NRG3: variants seen among roughly 807,000 people sequenced by gnomAD.
NRG3 encodes the protein pro-neuregulin-3, membrane-bound isoform.
NRG3 carries 31 observed loss-of-function variants against 66.9 expected under a neutral mutation model. The ratio of observed to expected loss-of-function variants is 0.46; its 90% CI spans 0.35 to 0.63. The LOEUF (loss-of-function observed/expected upper bound fraction) is 0.63. NRG3 is among the 20% of genes least tolerant of loss of function. NRG3 has a pLI of 0.00. For missense variants in NRG3, 910 were observed against 878.9 expected (o/e 1.04, Z -0.45); for synonymous variants, 393 against 359.4 (o/e 1.09, Z -1.06).
chr10:82,220,734 A>C (rs561502822), intron 1 of NRG3, among the ~76,000 whole-genome samples: 1 of 152,318 alleles, frequency 6.6e-6, no homozygotes, highest in African/African-American at 2.4e-5. Flanking sequence ...TTACAGTTAT[A>C]GCTGAGCATC....
At chr10:82,473,243 GTT>G (rs1169168594) in intron 2 of NRG3, among the ~76,000 whole-genome samples, 1 of 152,196 alleles carries the variant, frequency 6.6e-6, no homozygotes, top group East Asian at 1.9e-4. Context: ...TGAGCTGTGT[GTT>G]TTAGTGGGTG....
At chr10:82,166,945 T>G in intron 1 of NRG3, 1 of 464,462 alleles carries the variant, frequency 2.2e-6, no homozygotes, top group Non-Finnish European at 3.8e-6. Context: ...CTTGCTCGCA[T>G]TATTTTGATA....
intron 4 of NRG3, among the ~76,000 whole-genome samples, chr10:82,887,358 CAG>C (rs1414596908): frequency 1.3e-5 from 2 of 152,190 alleles, no homozygotes; most frequent in Non-Finnish European, 2.9e-5. Context: ...TATTGAAAAA[CAG>C]AATTATCTAA....
chr10:82,147,754 A>T (rs1441225495), intron 1 of NRG3, among the ~76,000 whole-genome samples: 4 of 152,202 alleles, frequency 2.6e-5, no homozygotes, highest in Non-Finnish European at 5.9e-5. Context: ...ACTTCTGCTT[A>T]GAGCCTTTAC....
intron 1 of NRG3, among the ~76,000 whole-genome samples, chr10:82,050,754 T>C (rs1308534319): frequency 1.3e-5 from 2 of 151,822 alleles, no homozygotes; most frequent in African/African-American, 4.8e-5. Flanking sequence ...AATGTCTCGT[T>C]TCCTCCTCCC....
At chr10:82,717,911 G>A (rs372738018) in intron 2 of NRG3, among the ~76,000 whole-genome samples, 17 of 149,034 alleles carry the variant, frequency 1.1e-4, no homozygotes, top group African/African-American at 4.2e-4. Flanking sequence ...TCACCTGTAT[G>A]TCAAAGCCTC....
At chr10:82,137,209 G>A (rs1274385693) in intron 1 of NRG3, among the ~76,000 whole-genome samples, 3 of 152,138 alleles carry the variant, frequency 2.0e-5, no homozygotes, top group Non-Finnish European at 4.4e-5. Flanking sequence ...GTAAGTAAGA[G>A]GTGTAGAAGA....
At chr10:82,399,791 A>T (rs571278932) in intron 2 of NRG3, among the ~76,000 whole-genome samples, 2 of 152,324 alleles carry the variant, frequency 1.3e-5, no homozygotes, top group East Asian at 1.9e-4. Context: ...GAGAGTGGAG[A>T]TTTATATGAG....
chr10:82,461,900 G>A (rs550533416), intron 2 of NRG3, among the ~76,000 whole-genome samples: 1 of 152,312 alleles, frequency 6.6e-6, no homozygotes, highest in African/African-American at 2.4e-5. Flanking sequence ...GGAGGCTGAG[G>A]TGGGTGGATC....
intron 3 of NRG3, among the ~76,000 whole-genome samples, chr10:82,810,281 G>A (rs1277180563): frequency 4.6e-5 from 7 of 152,050 alleles, no homozygotes; most frequent in Non-Finnish European, 1.0e-4. Context: ...TAAAGATCTG[G>A]TTTTTATACT....
intron 6 of NRG3, among the ~76,000 whole-genome samples, chr10:82,960,515 TA>T (rs1850537776): frequency 6.6e-6 from 1 of 151,472 alleles, no homozygotes; most frequent in African/African-American, 2.4e-5. Flanking sequence ...TATTTGTTTG[TA>T]AATGACATGA....
chr10:82,491,370 G>T (rs926815884), intron 2 of NRG3, among the ~76,000 whole-genome samples: 1 of 119,854 alleles, frequency 8.3e-6, no homozygotes, highest in African/African-American at 2.8e-5. Context: ...ATTTAGCATG[G>T]ATATTGCTTA....
In NRG3 at chr10:82,751,514, G is replaced by A. The variant is rs543257524; in HGVS notation, c.1027+12864G>A. Among the ~76,000 whole-genome samples, 4 of 152,194 alleles carry A rather than the reference G, an allele frequency of 2.6e-5. No homozygotes were observed. The East Asian group carries it at 7.7e-4, about 29-fold the overall frequency. On this transcript the variant is annotated intron_variant, in intron 3 of 8. Coordinates refer to ENST00000372141, the MANE Select transcript of NRG3 (RefSeq NM_001010848.4). Reference sequence around the variant, plus strand: ...TCCTTAATTAAGAGTGAGCAACAGGGAATTTGTAAATCAAAAACACATCCC... The same window carrying A: ...TCCTTAATTAAGAGTGAGCAACAGGAAATTTGTAAATCAAAAACACATCCC...
intron 2 of NRG3, among the ~76,000 whole-genome samples, chr10:82,634,068 T>G (rs534731460): frequency 7.9e-5 from 12 of 152,242 alleles, no homozygotes; most frequent in African/African-American, 2.9e-4. Flanking sequence ...AACGGGCCCA[T>G]GAGATATTAG....
At chr10:82,404,311 A>G (rs1023954076) in intron 2 of NRG3, among the ~76,000 whole-genome samples, 10 of 152,282 alleles carry the variant, frequency 6.6e-5, no homozygotes, top group Admixed American at 1.3e-4. Flanking sequence ...TGCCACCCCA[A>G]GACGACCTTA....
chr10:82,569,577 T>A (rs1029460792), intron 2 of NRG3, among the ~76,000 whole-genome samples: 29 of 151,796 alleles, frequency 1.9e-4, no homozygotes, highest in African/African-American at 6.5e-4. Context: ...CATTTAATTC[T>A]GTTTCCCATT....
chr10:82,710,740 A>G (rs946867989), intron 2 of NRG3, among the ~76,000 whole-genome samples: 1 of 150,946 alleles, frequency 6.6e-6, no homozygotes, highest in Non-Finnish European at 1.5e-5. Flanking sequence ...TTATGACACA[A>G]ATGGGTCATT....
At chr10:82,726,975 A>G (rs2057636846) in intron 2 of NRG3, among the ~76,000 whole-genome samples, 1 of 152,098 alleles carries the variant, frequency 6.6e-6, no homozygotes. Context: ...GACTGGTGGC[A>G]TTTTTCCCCT....
chr10:81,904,447 C>T (rs1844389825), intron 1 of NRG3, among the ~76,000 whole-genome samples: 1 of 152,040 alleles, frequency 6.6e-6, no homozygotes, highest in Non-Finnish European at 1.5e-5. Flanking sequence ...GAAAGGGTTG[C>T]TTAGTCTCTG....
Sources: allele counts gnomAD v4.1 joint callset (sites outside exome capture counted in the v4.1 genomes callset), GRCh38; gene constraint gnomAD v4.1.1; transcripts MANE v1.5; gene names NCBI Gene and HGNC (gene_info 2026-07-23, HGNC 2026-07-21).